The following PSD3 variants were observed in gnomAD, a reference collection of about 807,000 sequenced individuals.
PSD3 encodes the protein pleckstrin and Sec7 domain containing 3.
A neutral mutation model predicts 105.5 loss-of-function variants in PSD3; 49 were observed. That is an observed-to-expected ratio of 0.46 (90% CI 0.37 to 0.59). PSD3 has a LOEUF of 0.59. PSD3 is among the 20% of genes least tolerant of loss of function. The pLI, the probability that PSD3 is intolerant of heterozygous loss-of-function variation, is 0.00. For synonymous variants in PSD3, 557 were observed against 457.8 expected (o/e 1.22, Z -2.77); for missense variants, 1,561 against 1,263.8 (o/e 1.24, Z -3.57).
At chr8:18,571,605 C>T (rs1393698528) in intron 14 of PSD3, among the ~76,000 whole-genome samples, 1 of 152,156 alleles carries the variant, frequency 6.6e-6, no homozygotes, top group Admixed American at 6.5e-5. Flanking sequence ...CTTCATCTGC[C>T]TTTCTATCTC....
chr8:18,835,094 C>T (rs1813996531), intron 4 of PSD3, among the ~76,000 whole-genome samples: 2 of 152,150 alleles, frequency 1.3e-5, no homozygotes, highest in African/African-American at 4.8e-5. Flanking sequence ...CGAAGAAATA[C>T]AGGCACTCAT....
intron 1 of PSD3, among the ~76,000 whole-genome samples, chr8:19,080,469 A>G (rs1308046486): frequency 1.3e-5 from 2 of 152,228 alleles, no homozygotes; most frequent in Non-Finnish European, 2.9e-5. Flanking sequence ...TTAAGGAGTA[A>G]CAGTCCAAGA....
intron 2 of PSD3, among the ~76,000 whole-genome samples, chr8:18,881,051 G>A (rs7815850): frequency 0.17 from 25,652 of 152,122 alleles, 2,145 homozygotes; most frequent in South Asian, 0.26. Flanking sequence ...CAGTCCATTA[G>A]AAGTCATACT....
In PSD3 at chr8:18,530,905, T is replaced by C. The variant is rs1454929875; in HGVS notation, c.*4838A>G. On this transcript the variant is annotated 3_prime_UTR_variant, in exon 16 of 16. Coordinates refer to ENST00000327040, the MANE Select transcript of PSD3 (RefSeq NM_015310.4). ...AGTTTAATAAAACAATACCACTATA[T>C]ATACTCTCAACAACTTCATTATATA... 6.6e-6 allele frequency: 1 copy of C among 152,224 alleles called. No individual in the cohort carries two copies. Among genetic ancestry groups the C allele is most frequent in the Non-Finnish European group, 1.5e-5 (1 of 68,038 alleles). 9.4% of individuals were successfully genotyped at this position (152,224 alleles called of 1,614,324 possible). A position where few individuals can be genotyped will look rare whatever the true frequency, so the allele number is the denominator to read the frequency against.
In PSD3 at chr8:18,529,978, T is replaced by C. The variant is rs1487609202; in HGVS notation, c.*5765A>G. 6.6e-6 allele frequency: 1 copy of C among 152,324 alleles called. No individual in the cohort carries two copies. The highest frequency in any genetic ancestry group is 1.5e-5 in the Non-Finnish European group (1 of 68,030). The allele number at this position is 152,324 out of a possible 1,614,324, so 9.4% of individuals were successfully genotyped here. On this transcript the variant is annotated 3_prime_UTR_variant, in exon 16 of 16. Coordinates refer to ENST00000327040, the MANE Select transcript of PSD3 (RefSeq NM_015310.4). ...AAATAGTTTGAGACTATAGAGTTAA[T>C]TAACAACAACAAAAAAATGCCTCAA...
intron 2 of PSD3, among the ~76,000 whole-genome samples, chr8:18,892,460 T>G (rs571695588): frequency 6.6e-6 from 1 of 151,938 alleles, no homozygotes; most frequent in East Asian, 1.9e-4. Flanking sequence ...CCTGACCTCA[T>G]GATCTGCCTG....
At chr8:18,619,870 C>T (rs1028580175) in intron 11 of PSD3, among the ~76,000 whole-genome samples, 1 of 152,198 alleles carries the variant, frequency 6.6e-6, no homozygotes, top group Non-Finnish European at 1.5e-5. Flanking sequence ...CCCTCCAAAG[C>T]CGTCCTTTGT....
intron 1 of PSD3, among the ~76,000 whole-genome samples, chr8:18,991,110 G>C (rs1463709213): frequency 1.3e-5 from 2 of 152,096 alleles, no homozygotes; most frequent in African/African-American, 4.8e-5. Context: ...TTTTACATGG[G>C]CCCAATTCAG....
At chr8:18,615,027 T>C (rs13254518) in intron 11 of PSD3, among the ~76,000 whole-genome samples, 1 of 152,156 alleles carries the variant, frequency 6.6e-6, no homozygotes, top group African/African-American at 2.4e-5. Flanking sequence ...ATAACAAAAA[T>C]TTCCTGAAAT....
At chr8:18,678,982 GGTTAAAAATGTACTCCTTCA>G (rs770027169) in intron 9 of PSD3, among the ~76,000 whole-genome samples, 121,123 of 151,036 alleles carry the variant, frequency 0.8, 52,344 homozygotes, top group Non-Finnish European at 0.97. Context: ...GAATTTATGA[GGTTAAAAATGTACTCCTTCA>G]ACTTAGGAAT....
chr8:18,705,318 A>C (rs1377620129), intron 9 of PSD3, among the ~76,000 whole-genome samples: 3 of 152,108 alleles, frequency 2.0e-5, no homozygotes, highest in Non-Finnish European at 4.4e-5. Flanking sequence ...GCTCAAGCTC[A>C]GTAGTTCGAG....
chr8:18,647,730 T>C lies in PSD3; in HGVS notation c.2216+7912A>G, dbSNP rs758807981. 1.8e-4 allele frequency among the ~76,000 whole-genome samples: 27 copies of C among 152,002 alleles called. 1 individual carries two copies. The South Asian group carries it at 2.1e-3, about 12-fold the overall frequency. On this transcript the variant is annotated intron_variant, in intron 10 of 15. Transcript: ENST00000327040. The stretch of plus-strand genomic sequence containing the variant: ...GTCCCCGCTCAAATTTCATGCTGGA[T>C]TGTAATCCCAAATGTTGAATGTGGG...
At chr8:19,047,466 T>C (rs979105319) in intron 1 of PSD3, among the ~76,000 whole-genome samples, 1 of 152,176 alleles carries the variant, frequency 6.6e-6, no homozygotes, top group Non-Finnish European at 1.5e-5. Context: ...ACTCTCTTCC[T>C]GCAGCCTTCT....
At chr8:18,934,450 G>C (rs1023179473) in intron 2 of PSD3, among the ~76,000 whole-genome samples, 1 of 151,754 alleles carries the variant, frequency 6.6e-6, no homozygotes, top group Admixed American at 6.6e-5. Flanking sequence ...TCGCTCTATC[G>C]CCCAGGCTGG....
In PSD3 at chr8:18,720,345, A is replaced by G. The variant is rs181718217; in HGVS notation, c.2172+45104T>C. ...CATTTTACCACAATTGGATTCTCTGAGCCTCTTAAGGTGACTCTTTGGATT... is the reference window on the plus strand; with the variant it reads ...CATTTTACCACAATTGGATTCTCTGGGCCTCTTAAGGTGACTCTTTGGATT... On this transcript the variant is annotated intron_variant, in intron 9 of 15. Transcript: ENST00000327040. Among the ~76,000 whole-genome samples the G allele has an allele frequency of 9.8e-3, 1,480 of 151,628 alleles. 22 individuals are homozygous for G. Among genetic ancestry groups the G allele is most frequent in the African/African-American group, 0.033 (1,388 of 41,534 alleles).
intron 4 of PSD3, among the ~76,000 whole-genome samples, chr8:18,821,568 G>A (rs1262032282): frequency 6.6e-6 from 1 of 151,804 alleles, no homozygotes; most frequent in East Asian, 1.9e-4. Flanking sequence ...GAATAATATT[G>A]TTTCTCATTT....
At chr8:18,582,423 T>G (rs1802879059) in intron 12 of PSD3, among the ~76,000 whole-genome samples, 1 of 152,196 alleles carries the variant, frequency 6.6e-6, no homozygotes, top group Non-Finnish European at 1.5e-5. Flanking sequence ...TTCCTAGCTG[T>G]CTGGCCACAT....
chr8:18,570,559 C>T (rs1802064260), intron 14 of PSD3, among the ~76,000 whole-genome samples: 1 of 149,428 alleles, frequency 6.7e-6, no homozygotes, highest in Non-Finnish European at 1.5e-5. Flanking sequence ...AAAATTTTCG[C>T]AACCTACTAC....
chr8:18,933,533 T>C (rs760903356), intron 2 of PSD3, among the ~76,000 whole-genome samples: 1 of 152,204 alleles, frequency 6.6e-6, no homozygotes, highest in African/African-American at 2.4e-5. Context: ...AGTGGCATGA[T>C]CTCGGCTCAC....
Sources: gnomAD v4.1 joint callset for allele counts (sites outside exome capture counted in the v4.1 genomes callset) on GRCh38, gnomAD v4.1.1 for gene constraint, MANE v1.5 for transcripts, NCBI Gene and HGNC (gene_info 2026-07-23, HGNC 2026-07-21) for gene names.